PPP6R2: variants seen among roughly 807,000 people sequenced by gnomAD.
The protein encoded by PPP6R2 is protein phosphatase 6 regulatory subunit 2.
A neutral mutation model predicts 100.2 loss-of-function variants in PPP6R2; 62 were observed. The ratio of observed to expected loss-of-function variants is 0.62; its 90% confidence interval spans 0.50 to 0.76. The LOEUF (loss-of-function observed/expected upper bound fraction) is 0.76, where lower values mean the gene tolerates loss of function less well. Among genes scored for constraint, PPP6R2 ranks in the 30% least tolerant of loss-of-function variants. The probability of loss-of-function intolerance (pLI) is 0.00; values close to 1 mark genes in which losing one functional copy is unlikely to be tolerated. For missense variants in PPP6R2, 1,142 were observed against 1,276.3 expected, an observed-to-expected ratio of 0.89 and a Z score of 1.60; for synonymous variants, 525 against 514.7, an observed-to-expected ratio of 1.02 and a Z score of -0.27.
intron 10 of PPP6R2, among the ~76,000 whole-genome samples, chr22:50,428,094 A>T (rs144402095): frequency 5.3e-4 from 80 of 151,376 alleles, no homozygotes; most frequent in African/African-American, 1.9e-3. Flanking sequence ...ACCTCAAGTG[A>T]TCTGCCCACA....
At chr22:50,401,926 G>A (rs1444669740) in intron 3 of PPP6R2, among the ~76,000 whole-genome samples, 2 of 152,226 alleles carry the variant, frequency 1.3e-5, no homozygotes, top group Non-Finnish European at 1.5e-5. Context: ...GAGCCACCAC[G>A]CCTGGCCCAT....
chr22:50,368,308 CT>C (rs1041663731), intron 1 of PPP6R2, among the ~76,000 whole-genome samples: 9 of 152,146 alleles, frequency 5.9e-5, no homozygotes, highest in Non-Finnish European at 1.3e-4. Flanking sequence ...GACAGACTCC[CT>C]TTCCCAGTCT....
At chr22:50,357,440 TTCTC>T (rs1406139294) in intron 1 of PPP6R2, among the ~76,000 whole-genome samples, 2 of 151,476 alleles carry the variant, frequency 1.3e-5, no homozygotes. Flanking sequence ...TTTTTCTTTT[TTCTC>T]TCTCTTTCCC....
intron 1 of PPP6R2, among the ~76,000 whole-genome samples, chr22:50,366,670 G>T (rs1245108280): frequency 6.6e-6 from 1 of 152,176 alleles, no homozygotes; most frequent in African/African-American, 2.4e-5. Flanking sequence ...GCACTGATCA[G>T]TGCTTGGCTG....
At chr22:50,429,643 A>C (rs1352620366) in intron 10 of PPP6R2, among the ~76,000 whole-genome samples, 1 of 152,182 alleles carries the variant, frequency 6.6e-6, no homozygotes, top group Non-Finnish European at 1.5e-5. Context: ...ATTCTCTCTT[A>C]GTTTTTTGGA....
upstream of PPP6R2, among the ~76,000 whole-genome samples, chr22:50,338,836 G>C (rs1225805383): frequency 6.8e-6 from 1 of 146,176 alleles, no homozygotes; most frequent in Non-Finnish European, 1.5e-5. Context: ...GGTGTGTGGT[G>C]TGTGTGTGGT....
upstream of PPP6R2, among the ~76,000 whole-genome samples, chr22:50,340,285 A>G (rs796954355): frequency 0.012 from 296 of 24,150 alleles, no homozygotes; most frequent in Admixed American, 0.021. Context: ...GGTATGTGGT[A>G]TGTGTGTGGT....
intron 12 of PPP6R2, 52 bp downstream of exon 12, chr22:50,432,381 GAGACGC>G: frequency 6.8e-7 from 1 of 1,475,334 alleles, no homozygotes; most frequent in African/African-American, 1.4e-5. Context: ...CAGGGATGCA[GAGACGC>G]ACCTCACCCA....
intron 3 of PPP6R2, among the ~76,000 whole-genome samples, chr22:50,396,286 G>A (rs2056836442): frequency 6.6e-6 from 1 of 150,984 alleles, no homozygotes; most frequent in South Asian, 2.1e-4. Context: ...CACGAGGTCA[G>A]GAGTTCGAGA....
In PPP6R2 at chr22:50,445,066, A is replaced by G. The variant is rs996950366; in HGVS notation, c.*819A>G. On this transcript the variant is annotated 3_prime_UTR_variant, in exon 24 of 24. Coordinates refer to ENST00000612753, the MANE Select transcript of PPP6R2 (RefSeq NM_001242898.2). ...GGGCACCCCAAACCCCCAACTCCCA[A>G]TAAAAGCCGTGACGTTCGGACAAAC... 5 of 152,864 alleles carry G rather than the reference A, an allele frequency of 3.3e-5. No individual in the cohort carries two copies. The highest frequency in any genetic ancestry group is 9.6e-5 in the African/African-American group (4 of 41,578). The allele number at this position is 152,864 out of a possible 1,614,324, so 9.5% of individuals were successfully genotyped here.
At chr22:50,438,007 C>A (rs886715636) in intron 17 of PPP6R2, 107 bp downstream of exon 17, 1 of 1,515,206 alleles carries the variant, frequency 6.6e-7, no homozygotes, top group Non-Finnish European at 9.0e-7. Context: ...CTGGGAGAGG[C>A]CCCTCTGTGG....
rs542559734 is a variant in PPP6R2 at position 50,442,385 on chromosome 22, C to T, written c.2579+1359C>T. Among the ~76,000 whole-genome samples the T allele has an allele frequency of 8.5e-5, 13 of 152,366 alleles. No homozygotes were observed. In the South Asian group the frequency reaches 2.7e-3, roughly 32 times the overall value. Reference sequence around the variant, plus strand: ...TCCTCCCCTTGTTTGGCCACCCTGTCTTCAGGGCATCTGCAGCAAGTGGGG... The same window carrying T: ...TCCTCCCCTTGTTTGGCCACCCTGTTTTCAGGGCATCTGCAGCAAGTGGGG... On this transcript the variant is annotated intron_variant, in intron 22 of 23. Transcript: ENST00000612753.
intron 2 of PPP6R2, among the ~76,000 whole-genome samples, chr22:50,383,132 C>A (rs2053483953): frequency 6.6e-6 from 1 of 152,094 alleles, no homozygotes; most frequent in African/African-American, 2.4e-5. Flanking sequence ...GCCAGCACAC[C>A]CGGCCTGATT....
At chr22:50,370,476 A>G (rs912188685) in intron 1 of PPP6R2, among the ~76,000 whole-genome samples, 1 of 149,554 alleles carries the variant, frequency 6.7e-6, no homozygotes, top group African/African-American at 2.5e-5. Flanking sequence ...TTTAGTAGAG[A>G]TGGGGTTTCA....
chr22:50,395,808 C>T (rs533150934), intron 3 of PPP6R2, among the ~76,000 whole-genome samples: 95 of 150,274 alleles, frequency 6.3e-4, no homozygotes, highest in African/African-American at 2.3e-3. Flanking sequence ...CTCAAGCAAT[C>T]CACCCACCTC....
intron 4 of PPP6R2, among the ~76,000 whole-genome samples, chr22:50,410,542 T>C (rs1484442736): frequency 6.9e-6 from 1 of 143,908 alleles, no homozygotes; most frequent in African/African-American, 2.6e-5. Flanking sequence ...AGTGGCGCAA[T>C]CTTGGCTCAC....
At chr22:50,332,825 T>C in the PPP6R2 span, among the ~76,000 whole-genome samples, 8 of 152,108 alleles carry the variant, frequency 5.3e-5, no homozygotes, top group East Asian at 1.9e-4. Flanking sequence ...GGTTTCACCA[T>C]GTTGGCCAGG....
At position 50,440,813 on chromosome 22, in the gene PPP6R2, A is replaced by C. The variant is rs781656113; in HGVS notation, c.2375-9A>C. The stretch of plus-strand genomic sequence containing the variant: ...CCTCACTGGACAGCACAGGCCTCCT[A>C]CTTTGCAGTCAGCCCGGCTTCTCCA... On this transcript the variant is annotated splice_polypyrimidine_tract_variant and intron_variant, in intron 21 of 23. Transcript: ENST00000612753. 1.9e-5 allele frequency: 30 copies of C among 1,612,630 alleles called. No homozygotes were observed. The highest frequency in any genetic ancestry group is 2.5e-5 in the Non-Finnish European group (29 of 1,179,962).
intron 1 of PPP6R2, among the ~76,000 whole-genome samples, chr22:50,357,766 G>A (rs2046922220): frequency 6.6e-6 from 1 of 151,968 alleles, no homozygotes; most frequent in Non-Finnish European, 1.5e-5. Context: ...TGGGGTTACA[G>A]ACACCTGCCT....
Sources: gnomAD v4.1 joint callset for allele counts (sites outside exome capture counted in the v4.1 genomes callset) on GRCh38, gnomAD v4.1.1 for gene constraint, MANE v1.5 for transcripts, NCBI Gene and HGNC (gene_info 2026-07-23, HGNC 2026-07-21) for gene names.